The following ACTR3C variants were observed in gnomAD, a reference collection of about 807,000 sequenced individuals.
ACTR3C encodes actin-related protein 3C.
Under a neutral mutation model 26.3 loss-of-function variants are expected in ACTR3C, and 18 were observed. The ratio of observed to expected loss-of-function variants is 0.68; its 90% CI spans 0.47 to 1.01. The LOEUF (loss-of-function observed/expected upper bound fraction) is 1.01, where lower values mean the gene tolerates loss of function less well. ACTR3C is among the 50% of genes least tolerant of loss of function. The pLI is 0.00. For synonymous variants in ACTR3C, 55 were observed against 94.5 expected (o/e 0.58, Z 2.42); for missense variants, 184 against 250.7 (o/e 0.73, Z 1.80).
At chr7:150,137,836 T>C in the ACTR3C span, among the ~76,000 whole-genome samples, 2 of 152,150 alleles carry the variant, frequency 1.3e-5, no homozygotes, top group South Asian at 2.1e-4. Context: ...GGTATGGAAA[T>C]GAGAAATTTC....
the ACTR3C span, among the ~76,000 whole-genome samples, chr7:150,126,726 G>A: frequency 6.6e-6 from 1 of 152,146 alleles, no homozygotes; most frequent in African/African-American, 2.4e-5. Context: ...TTTTTAAGAC[G>A]GTCAGGCTCC....
chr7:149,951,575 C>T, the ACTR3C span, among the ~76,000 whole-genome samples: 1 of 151,770 alleles, frequency 6.6e-6, no homozygotes, highest in Non-Finnish European at 1.5e-5. Flanking sequence ...TACATGTGGC[C>T]CCCAGGCAGT....
chr7:150,010,355 A>G, the ACTR3C span, among the ~76,000 whole-genome samples: 5 of 152,192 alleles, frequency 3.3e-5, no homozygotes, highest in Non-Finnish European at 5.9e-5. Context: ...ATTTGATAAC[A>G]GTCCTCAGAT....
the ACTR3C span, among the ~76,000 whole-genome samples, chr7:150,097,224 C>T: frequency 0.017 from 2,554 of 151,854 alleles, 163 homozygotes; most frequent in African/African-American, 0.059. Context: ...GTGTCACATG[C>T]GCTCAGCTTT....
At chr7:150,021,098 G>A in the ACTR3C span, among the ~76,000 whole-genome samples, 2 of 151,860 alleles carry the variant, frequency 1.3e-5, no homozygotes, top group Non-Finnish European at 2.9e-5. Context: ...TGGGATTATA[G>A]GTGTGAGGCA....
the ACTR3C span, among the ~76,000 whole-genome samples, chr7:150,085,331 A>G: frequency 1.4e-4 from 22 of 152,330 alleles, no homozygotes; most frequent in African/African-American, 5.1e-4. Flanking sequence ...GGGCAGGCAG[A>G]TAAGACTTCA....
At chr7:150,058,201 A>T in the ACTR3C span, among the ~76,000 whole-genome samples, 1 of 152,204 alleles carries the variant, frequency 6.6e-6, no homozygotes, top group Non-Finnish European at 1.5e-5. Context: ...CACTGAGAAA[A>T]GCTTGACATT....
chr7:149,920,369 C>T, the ACTR3C span, among the ~76,000 whole-genome samples: 1 of 151,256 alleles, frequency 6.6e-6, no homozygotes, highest in African/African-American at 2.4e-5. Flanking sequence ...TGCAGTGGCG[C>T]AGTCACAACT....
At chr7:149,909,823 T>G in the ACTR3C span, 1 of 256,584 alleles carries the variant, frequency 3.9e-6, no homozygotes, top group African/African-American at 1.0e-4. Flanking sequence ...GAATACTCCT[T>G]GAAATTAAAA....
the ACTR3C span, among the ~76,000 whole-genome samples, chr7:149,949,047 A>G: frequency 0.95 from 137,219 of 144,366 alleles, 65,538 homozygotes; most frequent in Non-Finnish European, 0.99. Context: ...CAGGTGCTGC[A>G]GCTCACACTT....
the ACTR3C span, among the ~76,000 whole-genome samples, chr7:150,126,157 G>A: frequency 5.3e-5 from 8 of 152,330 alleles, no homozygotes; most frequent in South Asian, 2.1e-4. Flanking sequence ...TCAGGGCCCC[G>A]TGTTGGAGTC....
At chr7:149,969,151 G>T in the ACTR3C span, among the ~76,000 whole-genome samples, 1 of 152,216 alleles carries the variant, frequency 6.6e-6, no homozygotes, top group African/African-American at 2.4e-5. Context: ...GAACAGCTGA[G>T]AACAGCTTCA....
chr7:150,105,491 G>A, the ACTR3C span, among the ~76,000 whole-genome samples: 1 of 151,940 alleles, frequency 6.6e-6, no homozygotes, highest in Non-Finnish European at 1.5e-5. Flanking sequence ...ACTGTGAATA[G>A]CACCTCAATG....
At chr7:150,194,282 A>T in the ACTR3C span, among the ~76,000 whole-genome samples, 1 of 146,162 alleles carries the variant, frequency 6.8e-6, no homozygotes, top group Non-Finnish European at 1.5e-5. Flanking sequence ...ATTATTATAT[A>T]ATATATAAAA....
At chr7:150,248,302 C>T (rs994540547) in intron 7 of ACTR3C, 1 of 152,008 alleles carries the variant, frequency 6.6e-6, no homozygotes, top group African/African-American at 2.4e-5. Flanking sequence ...GGCCCTGGGC[C>T]CAAAGGAGAC....
At chr7:149,905,787 C>T in the ACTR3C span, among the ~76,000 whole-genome samples, 8 of 152,088 alleles carry the variant, frequency 5.3e-5, no homozygotes, top group Admixed American at 5.2e-4. Context: ...TCACACAATA[C>T]CAATTATCAA....
At chr7:150,097,157 T>C in the ACTR3C span, among the ~76,000 whole-genome samples, 1 of 151,924 alleles carries the variant, frequency 6.6e-6, no homozygotes, top group East Asian at 1.9e-4. Context: ...TAGCAATAGC[T>C]ATATGATACA....
chr7:149,933,159 C>A, the ACTR3C span, among the ~76,000 whole-genome samples: 1 of 143,596 alleles, frequency 7.0e-6, no homozygotes, highest in Non-Finnish European at 1.5e-5. Flanking sequence ...ACTTCCCACC[C>A]CTATAGCTCC....
chr7:150,161,202 T>TTATTTATATA, the ACTR3C span, among the ~76,000 whole-genome samples: 1 of 103,004 alleles, frequency 9.7e-6, no homozygotes, highest in African/African-American at 4.6e-5. Flanking sequence ...AGGAAAGTAT[T>TTATTTATATA]TATATATATA....
Sources: allele counts gnomAD v4.1 joint callset (sites outside exome capture counted in the v4.1 genomes callset), GRCh38; gene constraint gnomAD v4.1.1; transcripts MANE v1.5; gene names NCBI Gene and HGNC (gene_info 2026-07-23, HGNC 2026-07-21).